Variants in THSD4 observed in about 807,000 individuals in gnomAD.
THSD4 encodes thrombospondin type-1 domain-containing protein 4.
A neutral mutation model predicts 119.0 loss-of-function variants in THSD4; 69 were observed. The observed-to-expected ratio is 0.58, with a 90% CI of 0.48 to 0.71. The LOEUF is 0.71. THSD4 is among the 30% of genes least tolerant of loss of function. THSD4 has a pLI of 0.00. For missense variants in THSD4, 1,393 were observed against 1,391.1 expected (o/e 1.00, Z -0.02); for synonymous variants, 524 against 540.4 (o/e 0.97, Z 0.42).
chr15:71,248,610 T>C (rs924768145), intron 5 of THSD4, among the ~76,000 whole-genome samples: 3 of 152,168 alleles, frequency 2.0e-5, no homozygotes, highest in Non-Finnish European at 2.9e-5. Context: ...ATGGACATGA[T>C]GAGTACTGGT....
intron 3 of THSD4, among the ~76,000 whole-genome samples, chr15:71,212,537 C>T (rs1175645079): frequency 1.3e-5 from 2 of 152,314 alleles, no homozygotes; most frequent in South Asian, 2.1e-4. Context: ...TAACTGAAAT[C>T]TCCAAATGTG....
chr15:71,504,760 G>A (rs770930749), intron 7 of THSD4, among the ~76,000 whole-genome samples: 1 of 152,166 alleles, frequency 6.6e-6, no homozygotes, highest in Non-Finnish European at 1.5e-5. Flanking sequence ...ACCTTGGTAC[G>A]TTACTATTAA....
chr15:71,757,845 G>C, intron 14 of THSD4, 57 bp from the exon 15 acceptor site: 1 of 1,597,102 alleles, frequency 6.3e-7, no homozygotes, highest in Non-Finnish European at 8.5e-7. Flanking sequence ...TCATTTGAAA[G>C]TGGCTTCAGC....
At chr15:71,636,492 G>A (rs1314395365) in intron 7 of THSD4, among the ~76,000 whole-genome samples, 1 of 152,112 alleles carries the variant, frequency 6.6e-6, no homozygotes, top group African/African-American at 2.4e-5. Context: ...AATGAAATAA[G>A]GGTAAACAAA....
intron 7 of THSD4, among the ~76,000 whole-genome samples, chr15:71,450,402 G>C (rs999228100): frequency 3.9e-5 from 6 of 152,080 alleles, no homozygotes; most frequent in African/African-American, 1.4e-4. Flanking sequence ...AGAGGGTTGG[G>C]GGAGAGTAGA....
At chr15:71,435,990 T>G (rs79578643) in intron 7 of THSD4, among the ~76,000 whole-genome samples, 863 of 152,344 alleles carry the variant, frequency 5.7e-3, no homozygotes, top group Non-Finnish European at 9.6e-3. Flanking sequence ...GACTAGCTAC[T>G]GGACGTGACC....
intron 6 of THSD4, among the ~76,000 whole-genome samples, chr15:71,383,640 A>G (rs2046254829): frequency 1.3e-5 from 2 of 152,222 alleles, no homozygotes; most frequent in Non-Finnish European, 2.9e-5. Context: ...AAAGGATTTC[A>G]AAATAGCCAG....
intron 7 of THSD4, among the ~76,000 whole-genome samples, chr15:71,562,541 C>T (rs747168247): frequency 2.0e-5 from 3 of 152,110 alleles, no homozygotes; most frequent in East Asian, 1.9e-4. Flanking sequence ...CCTGACCTCA[C>T]GTTCTGACAC....
At chr15:71,193,121 T>A (rs1465441016) in intron 3 of THSD4, among the ~76,000 whole-genome samples, 4 of 152,156 alleles carry the variant, frequency 2.6e-5, no homozygotes. Flanking sequence ...TCTTCATTCC[T>A]GCTTTTGATC....
intron 7 of THSD4, among the ~76,000 whole-genome samples, chr15:71,452,521 A>G (rs1479199464): frequency 9.2e-6 from 1 of 108,952 alleles, no homozygotes; most frequent in Non-Finnish European, 2.1e-5. Context: ...CCCCTCCACC[A>G]AAAAAAAAAA....
At chr15:71,395,451 G>C (rs1313135347) in intron 6 of THSD4, among the ~76,000 whole-genome samples, 3 of 152,166 alleles carry the variant, frequency 2.0e-5, no homozygotes, top group Non-Finnish European at 4.4e-5. Context: ...GCAGTCAAAA[G>C]TTGAGACTGG....
At chr15:71,199,453 G>GT (rs1491258727) in intron 3 of THSD4, among the ~76,000 whole-genome samples, 14 of 110,790 alleles carry the variant, frequency 1.3e-4, no homozygotes, top group East Asian at 4.8e-4. Context: ...GTGTGTGTGT[G>GT]GGGGGGGGTG....
chr15:71,299,274 A>G (rs1480830184), intron 6 of THSD4, among the ~76,000 whole-genome samples: 2 of 152,250 alleles, frequency 1.3e-5, no homozygotes, highest in Non-Finnish European at 2.9e-5. Flanking sequence ...TCAACTATTT[A>G]CACTGTTTAG....
At chr15:71,648,152 C>T (rs1464765947) in intron 7 of THSD4, among the ~76,000 whole-genome samples, 2 of 152,204 alleles carry the variant, frequency 1.3e-5, no homozygotes, top group Non-Finnish European at 2.9e-5. Context: ...TACTTACCTT[C>T]TCAGAGCTTT....
chr15:71,276,323 G>A (rs186807599), intron 6 of THSD4, among the ~76,000 whole-genome samples: 3 of 152,304 alleles, frequency 2.0e-5, no homozygotes, highest in African/African-American at 2.4e-5. Context: ...TTGTCACCCC[G>A]CATCTTCTTT....
intron 7 of THSD4, among the ~76,000 whole-genome samples, chr15:71,484,555 T>C (rs1423877185): frequency 6.6e-6 from 1 of 152,232 alleles, no homozygotes; most frequent in Admixed American, 6.5e-5. Context: ...GCTCCTCTTC[T>C]TCCTCATCAT....
intron 7 of THSD4, among the ~76,000 whole-genome samples, chr15:71,648,617 A>G (rs2051019214): frequency 6.6e-6 from 1 of 152,232 alleles, no homozygotes; most frequent in Non-Finnish European, 1.5e-5. Flanking sequence ...CATTATTGAA[A>G]TGCAAATAGA....
At position 71,731,193 on chromosome 15, in the gene THSD4, C is replaced by G; in HGVS notation, c.1606C>G (p.Gln536Glu). 1 of 1,614,190 alleles carries G rather than the reference C, an allele frequency of 6.2e-7. No homozygotes were observed. Among genetic ancestry groups the G allele is most frequent in the Non-Finnish European group, 8.5e-7 (1 of 1,180,022 alleles). ...VIMGTNAISP[Q>E]VPPHRRPGEP... Reference sequence around the variant, plus strand: ...CATGGGGACCAACGCCATCAGCCCCCAGGTGCCACCCCACAGGAGACCAGG... The same window carrying G: ...CATGGGGACCAACGCCATCAGCCCCGAGGTGCCACCCCACAGGAGACCAGG... Residue 536 changes from glutamine (Q) to glutamate (E), a missense_variant, in exon 10 of 18, where the codon CAG (glutamine) becomes GAG (glutamate). Transcript: ENST00000261862.
At chr15:71,355,741 G>C (rs1241189384) in intron 6 of THSD4, among the ~76,000 whole-genome samples, 1 of 152,182 alleles carries the variant, frequency 6.6e-6, no homozygotes, top group African/African-American at 2.4e-5. Context: ...CAAAGAGCGT[G>C]CTGCTGGCTT....
Sources: gnomAD v4.1 joint callset for allele counts (sites outside exome capture counted in the v4.1 genomes callset) on GRCh38, gnomAD v4.1.1 for gene constraint, MANE v1.5 for transcripts, NCBI Gene and HGNC (gene_info 2026-07-23, HGNC 2026-07-21) for gene names.